AHI1: variants seen among roughly 807,000 people sequenced by gnomAD.
AHI1 encodes the protein Abelson helper integration site 1, also known as jouberin.
In AHI1, 123 loss-of-function variants were observed where a neutral mutation model predicts 149.3. That is an observed-to-expected ratio of 0.82 (90% CI 0.71 to 0.96). The LOEUF is 0.96. Among genes scored for constraint, AHI1 ranks in the 40% least tolerant of loss-of-function variants. The probability of loss-of-function intolerance (pLI) is 0.00; values close to 1 mark genes in which losing one functional copy is unlikely to be tolerated. For missense variants in AHI1, 1,439 were observed against 1,422.7 expected (o/e 1.01, Z -0.18); for synonymous variants, 475 against 459.8 (o/e 1.03, Z -0.42).
chr6:135,394,348 TA>T (rs573117452), intron 23 of AHI1, among the ~76,000 whole-genome samples: 43 of 152,206 alleles, frequency 2.8e-4, no homozygotes, highest in Admixed American at 2.2e-3. Flanking sequence ...CATATTTTGT[TA>T]ATTTGCCCTT....
rs1370630475 is a variant in AHI1 at position 135,380,741 on chromosome 6, C to A, written c.3109+14035G>T. Among the ~76,000 whole-genome samples, 27 of 123,632 alleles carry A rather than the reference C, an allele frequency of 2.2e-4. 1 individual carries two copies. The highest frequency in any genetic ancestry group is 8.1e-4 in the African/African-American group (21 of 25,876). 81.1% of individuals were successfully genotyped at this position (123,632 alleles called of 152,430 possible). A position where few individuals can be genotyped will look rare whatever the true frequency, so the allele number is the denominator to read the frequency against. On this transcript the variant is annotated intron_variant, in intron 23 of 28. Transcript: ENST00000265602. ...TTTTTAAGTAAAATAACCCCCCCCC[C>A]CCCAAAAAAAAAGTACAAAGTTAAA...
intron 26 of AHI1, among the ~76,000 whole-genome samples, chr6:135,310,301 C>T (rs1297272611): frequency 6.6e-6 from 1 of 152,058 alleles, no homozygotes; most frequent in Non-Finnish European, 1.5e-5. Context: ...TTATTAGATA[C>T]TTTGAAGACT....
At chr6:135,422,619 T>TTATG (rs71006761) in intron 20 of AHI1, among the ~76,000 whole-genome samples, 45,637 of 147,610 alleles carry the variant, frequency 0.31, 6,967 homozygotes, top group South Asian at 0.36. Flanking sequence ...AGTTTTATTT[T>TTATG]TATGTATGTA....
intron 8 of AHI1, among the ~76,000 whole-genome samples, chr6:135,457,918 A>G (rs1417598171): frequency 6.6e-6 from 1 of 152,166 alleles, no homozygotes; most frequent in East Asian, 1.9e-4. Context: ...AAGGTGAAAA[A>G]TCCTTGTTTA....
chr6:135,349,168 T>C (rs1791693183), intron 24 of AHI1, among the ~76,000 whole-genome samples: 1 of 152,118 alleles, frequency 6.6e-6, no homozygotes, highest in Non-Finnish European at 1.5e-5. Context: ...AAAAATGTTT[T>C]TAAGAGATGG....
intron 23 of AHI1, among the ~76,000 whole-genome samples, chr6:135,377,064 C>T (rs1304447261): frequency 6.6e-6 from 1 of 151,858 alleles, no homozygotes; most frequent in African/African-American, 2.4e-5. Context: ...CAAAAAACTG[C>T]TTGAGACTTA....
chr6:135,493,492 A>G (rs1450680370), intron 3 of AHI1, among the ~76,000 whole-genome samples: 1 of 152,200 alleles, frequency 6.6e-6, no homozygotes, highest in African/African-American at 2.4e-5. Flanking sequence ...AAAAATTCCT[A>G]TACTTTAGTG....
chr6:135,338,192 C>T (rs751080722), intron 24 of AHI1, among the ~76,000 whole-genome samples: 60 of 149,702 alleles, frequency 4.0e-4, no homozygotes, highest in South Asian at 6.3e-4. Context: ...CCCAGCTACT[C>T]GGGAAGCTGA....
intron 13 of AHI1, 56 bp downstream of exon 13, chr6:135,446,952 G>C: frequency 6.6e-7 from 1 of 1,520,790 alleles, no homozygotes; most frequent in South Asian, 1.3e-5. Context: ...AGTTATTGGA[G>C]TTTTTAAGGT....
intron 5 of AHI1, among the ~76,000 whole-genome samples, chr6:135,481,130 T>C (rs1408781856): frequency 1.3e-5 from 2 of 152,198 alleles, no homozygotes; most frequent in Non-Finnish European, 2.9e-5. Flanking sequence ...CCCCTTGGCA[T>C]ATGATGCTCT....
chr6:135,490,825 A>G, intron 4 of AHI1, 78 bp from the exon 5 acceptor site: 1 of 1,505,998 alleles, frequency 6.6e-7, no homozygotes, highest in Non-Finnish European at 8.9e-7. Context: ...ATGTTAAGAA[A>G]TAAGTTCTTG....
intron 27 of AHI1, among the ~76,000 whole-genome samples, chr6:135,299,471 GGGT>G (rs1326510735): frequency 6.6e-6 from 1 of 152,168 alleles, no homozygotes; most frequent in African/African-American, 2.4e-5. Flanking sequence ...ATGTACGTGG[GGGT>G]GGTGGTGATG....
At chr6:135,387,480 A>G (rs771579881) in intron 23 of AHI1, among the ~76,000 whole-genome samples, 1 of 152,210 alleles carries the variant, frequency 6.6e-6, no homozygotes, top group Non-Finnish European at 1.5e-5. Context: ...ATTACATGCC[A>G]AAGACGGCTT....
chr6:135,419,151 T>C (rs553935149), intron 20 of AHI1, among the ~76,000 whole-genome samples: 1 of 152,190 alleles, frequency 6.6e-6, no homozygotes, highest in African/African-American at 2.4e-5. Flanking sequence ...AATAAAACTG[T>C]TCAAAATCTA....
intron 20 of AHI1, among the ~76,000 whole-genome samples, chr6:135,420,892 C>G (rs1783055115): frequency 6.6e-6 from 1 of 152,156 alleles, no homozygotes; most frequent in Non-Finnish European, 1.5e-5. Flanking sequence ...CTCAGCTTTC[C>G]CCATGCCTTC....
intron 24 of AHI1, among the ~76,000 whole-genome samples, chr6:135,347,891 G>C (rs1791472519): frequency 6.6e-6 from 1 of 152,206 alleles, no homozygotes; most frequent in South Asian, 2.1e-4. Flanking sequence ...CCATAAGATA[G>C]TGCCAGCCAG....
intron 27 of AHI1, among the ~76,000 whole-genome samples, chr6:135,294,043 G>A (rs1782742342): frequency 6.6e-6 from 1 of 152,094 alleles, no homozygotes; most frequent in South Asian, 2.1e-4. Context: ...AAAAATAATG[G>A]GCTGGGTGCC....
rs747661291 is a variant in AHI1, at chr6:135,466,339, T to A, written c.224A>T (p.Lys75Ile). 13 of 1,613,714 alleles carry A rather than the reference T, an allele frequency of 8.1e-6. No individual in the cohort carries two copies. The South Asian group carries it at 1.3e-4, about 16-fold the overall frequency. Residue 75 changes from lysine to isoleucine, a missense_variant, in exon 7 of 29, where the codon AAA (lysine) becomes ATA (isoleucine). Physicochemically the swap from Lys to Ile is moderately radical, Grantham distance 102 (BLOSUM62 -3). Coordinates refer to ENST00000265602, the MANE Select transcript of AHI1 (RefSeq NM_001134831.2). Reference sequence around the variant, plus strand: ...ACTTACATCATCACTTGTAGTTTCTTTAATATGGGGAAGATTGCTTCTAAT... The same window carrying A: ...ACTTACATCATCACTTGTAGTTTCTATAATATGGGGAAGATTGCTTCTAAT... ...DTIRSNLPHIKETTSDDVSAA... is the reference protein window; with the variant it reads ...DTIRSNLPHIIETTSDDVSAA...
At chr6:135,414,006 G>A (rs1182269080) in intron 20 of AHI1, among the ~76,000 whole-genome samples, 1 of 151,992 alleles carries the variant, frequency 6.6e-6, no homozygotes, top group African/African-American at 2.4e-5. Flanking sequence ...TTCTAAAATC[G>A]ACATGGAAAT....
Sources: gnomAD v4.1 joint callset for allele counts (sites outside exome capture counted in the v4.1 genomes callset) on GRCh38, gnomAD v4.1.1 for gene constraint, MANE v1.5 for transcripts, NCBI Gene and HGNC (gene_info 2026-07-23, HGNC 2026-07-21) for gene names.